Variants in ADAMTSL1 observed in about 807,000 individuals in gnomAD.
ADAMTSL1 encodes ADAMTS-like protein 1.
In ADAMTSL1, 126 loss-of-function variants were observed where a neutral mutation model predicts 201.8. The observed-to-expected ratio is 0.62, with a 90% CI of 0.54 to 0.72. The LOEUF (loss-of-function observed/expected upper bound fraction) is 0.72. Among genes scored for constraint, ADAMTSL1 ranks in the 30% least tolerant of loss-of-function variants. The pLI, the probability that ADAMTSL1 is intolerant of heterozygous loss-of-function variation, is 0.00. For synonymous variants in ADAMTSL1, 1,121 were observed against 903.4 expected, an observed-to-expected ratio of 1.24 and a Z score of -4.32; for missense variants, 2,679 against 2,277.8, an observed-to-expected ratio of 1.18 and a Z score of -3.59.
chr9:18,393,279 T>G (rs1466014248), intron 2 of ADAMTSL1, among the ~76,000 whole-genome samples: 9 of 152,214 alleles, frequency 5.9e-5, no homozygotes, highest in Admixed American at 5.9e-4. Flanking sequence ...TAAGAAGTAC[T>G]GTTGCTGTTG....
At chr9:18,002,043 T>C (rs2131533399) in intron 1 of ADAMTSL1, among the ~76,000 whole-genome samples, 1 of 152,024 alleles carries the variant, frequency 6.6e-6, no homozygotes, top group South Asian at 2.1e-4. Context: ...GGGCTGTACT[T>C]TCCTACACTG....
intron 2 of ADAMTSL1, among the ~76,000 whole-genome samples, chr9:18,375,726 C>T (rs1362787419): frequency 6.6e-6 from 1 of 152,188 alleles, no homozygotes; most frequent in African/African-American, 2.4e-5. Context: ...GAACAAACCT[C>T]CCATAGCATG....
intron 2 of ADAMTSL1, among the ~76,000 whole-genome samples, chr9:18,205,689 G>A (rs1197497557): frequency 5.3e-5 from 8 of 151,990 alleles, no homozygotes; most frequent in African/African-American, 1.9e-4. Flanking sequence ...ATTTCCTGGA[G>A]CAAGAAGATA....
intron 1 of ADAMTSL1, among the ~76,000 whole-genome samples, chr9:17,941,912 G>A (rs1827254486): frequency 6.6e-6 from 1 of 152,078 alleles, no homozygotes; most frequent in Non-Finnish European, 1.5e-5. Context: ...GGTAGAATGG[G>A]TGAGGGAACT....
intron 1 of ADAMTSL1, among the ~76,000 whole-genome samples, chr9:18,127,574 G>A (rs985149452): frequency 5.3e-5 from 8 of 151,778 alleles, no homozygotes; most frequent in South Asian, 2.1e-4. Context: ...GTGCCAAAAT[G>A]TTCCTCTAGC....
chr9:18,667,454 G>A (rs376136413), intron 9 of ADAMTSL1, among the ~76,000 whole-genome samples: 4 of 152,086 alleles, frequency 2.6e-5, no homozygotes, highest in Admixed American at 6.6e-5. Context: ...GGCATAAAAC[G>A]TCCTGGCTTG....
At chr9:18,357,485 A>G (rs1836304155) in intron 2 of ADAMTSL1, among the ~76,000 whole-genome samples, 2 of 152,180 alleles carry the variant, frequency 1.3e-5, no homozygotes, top group Admixed American at 1.3e-4. Context: ...CTTTTTAACC[A>G]GAGGAATACT....
chr9:18,896,326 C>T (rs546043010), intron 26 of ADAMTSL1, among the ~76,000 whole-genome samples: 1 of 152,252 alleles, frequency 6.6e-6, no homozygotes, highest in South Asian at 2.1e-4. Flanking sequence ...AGAAAAGCAA[C>T]TCATTGTGTA....
intron 1 of ADAMTSL1, among the ~76,000 whole-genome samples, chr9:17,942,430 G>A (rs1827275948): frequency 6.6e-6 from 1 of 152,086 alleles, no homozygotes; most frequent in African/African-American, 2.4e-5. Flanking sequence ...CACTGTCTAA[G>A]CTCAGATGTG....
At chr9:18,087,758 T>G (rs192079278) in intron 1 of ADAMTSL1, among the ~76,000 whole-genome samples, 1 of 152,192 alleles carries the variant, frequency 6.6e-6, no homozygotes, top group Non-Finnish European at 1.5e-5. Flanking sequence ...ATGTCTCTTT[T>G]AAGTAGAAGA....
chr9:18,758,379 A>C (rs1480913028), intron 16 of ADAMTSL1, among the ~76,000 whole-genome samples: 1 of 152,198 alleles, frequency 6.6e-6, no homozygotes, highest in African/African-American at 2.4e-5. Flanking sequence ...TGCTGTAAAA[A>C]ATTACCACAA....
intron 2 of ADAMTSL1, among the ~76,000 whole-genome samples, chr9:18,325,613 G>A (rs990328510): frequency 6.6e-6 from 1 of 152,188 alleles, no homozygotes; most frequent in Non-Finnish European, 1.5e-5. Context: ...CTGGAGGCTG[G>A]GAAGTCCAAG....
intron 2 of ADAMTSL1, among the ~76,000 whole-genome samples, chr9:18,257,688 C>A (rs982824207): frequency 3.9e-5 from 6 of 152,084 alleles, no homozygotes; most frequent in Non-Finnish European, 7.4e-5. Context: ...TAGATATATA[C>A]CCCCAAAGAA....
chr9:18,853,045 T>C (rs993812771), intron 23 of ADAMTSL1, among the ~76,000 whole-genome samples: 1 of 152,146 alleles, frequency 6.6e-6, no homozygotes, highest in African/African-American at 2.4e-5. Flanking sequence ...GTATTGTTTC[T>C]TTAAGGAACC....
rs111728510 is a variant in ADAMTSL1, at chr9:18,882,656, G to A, written c.4250-5175G>A. Among the ~76,000 whole-genome samples, 23 of 152,194 alleles carry A rather than the reference G, an allele frequency of 1.5e-4. 1 individual carries two copies. Among genetic ancestry groups the A allele is most frequent in the African/African-American group, 5.1e-4 (21 of 41,524 alleles). ...CGTGGCATGTAGATGCCTAGATGCCGCCAGGAGCTTGTGGTGAGACTGCTT... is the reference window on the plus strand; with the variant it reads ...CGTGGCATGTAGATGCCTAGATGCCACCAGGAGCTTGTGGTGAGACTGCTT... On this transcript the variant is annotated intron_variant, in intron 23 of 28. Coordinates refer to ENST00000380548, the MANE Select transcript of ADAMTSL1 (RefSeq NM_001040272.6).
intron 1 of ADAMTSL1, among the ~76,000 whole-genome samples, chr9:18,485,270 C>G (rs1423428611): frequency 6.6e-6 from 1 of 152,018 alleles, no homozygotes; most frequent in Non-Finnish European, 1.5e-5. Flanking sequence ...TTTGAAAAAG[C>G]CAAAAGTCCC....
At chr9:18,717,648 G>C (rs1262659778) in intron 14 of ADAMTSL1, among the ~76,000 whole-genome samples, 3 of 152,140 alleles carry the variant, frequency 2.0e-5, no homozygotes, top group Non-Finnish European at 4.4e-5. Flanking sequence ...TATGAGTGAG[G>C]GTTAGAGTAT....
At chr9:18,446,400 A>G (rs1339814055) in intron 2 of ADAMTSL1, among the ~76,000 whole-genome samples, 1 of 152,240 alleles carries the variant, frequency 6.6e-6, no homozygotes, top group Non-Finnish European at 1.5e-5. Flanking sequence ...GCTACTCTAA[A>G]TTTGTTTTTG....
chr9:17,996,943 T>A (rs190062064), intron 1 of ADAMTSL1, among the ~76,000 whole-genome samples: 15 of 152,292 alleles, frequency 9.8e-5, no homozygotes, highest in Non-Finnish European at 1.6e-4. Flanking sequence ...TCCACTTAAC[T>A]GGAGATAACA....
Sources: gnomAD v4.1 joint callset for allele counts (sites outside exome capture counted in the v4.1 genomes callset) on GRCh38, gnomAD v4.1.1 for gene constraint, MANE v1.5 for transcripts, NCBI Gene and HGNC (gene_info 2026-07-23, HGNC 2026-07-21) for gene names.